The following SH3GL2 variants were observed in gnomAD, a reference collection of about 807,000 sequenced individuals.
The protein encoded by SH3GL2 is SH3 domain containing GRB2 like 2, endophilin A1.
Under a neutral mutation model 46.0 loss-of-function variants are expected in SH3GL2, and 24 were observed. The ratio of observed to expected loss-of-function variants is 0.52; its 90% CI spans 0.38 to 0.73. The LOEUF is 0.73. SH3GL2 is among the 30% of genes least tolerant of loss of function. SH3GL2 has a pLI of 0.00. For synonymous variants in SH3GL2, 196 were observed against 147.1 expected (o/e 1.33, Z -2.40); for missense variants, 413 against 424.2 (o/e 0.97, Z 0.23).
intron 1 of SH3GL2, among the ~76,000 whole-genome samples, chr9:17,675,156 A>G (rs377004586): frequency 6.6e-6 from 1 of 152,180 alleles, no homozygotes; most frequent in South Asian, 2.1e-4. Context: ...TAAACTTCGT[A>G]TGTCTTATTT....
At chr9:17,602,278 C>G (rs1419593896) in intron 1 of SH3GL2, among the ~76,000 whole-genome samples, 1 of 152,114 alleles carries the variant, frequency 6.6e-6, no homozygotes, top group Non-Finnish European at 1.5e-5. Context: ...GGCTGCTGGG[C>G]TGTATTGGAT....
intron 1 of SH3GL2, among the ~76,000 whole-genome samples, chr9:17,581,783 C>T (rs186688976): frequency 1.6e-4 from 25 of 152,324 alleles, no homozygotes; most frequent in Non-Finnish European, 1.0e-4. Flanking sequence ...ACTGCAACCT[C>T]TGCCTCCTGT....
At chr9:17,666,297 A>G (rs373712540) in intron 1 of SH3GL2, among the ~76,000 whole-genome samples, 11 of 151,918 alleles carry the variant, frequency 7.2e-5, no homozygotes, top group South Asian at 4.2e-4. Context: ...TCCTTCACCA[A>G]TGCTTGTTGA....
intron 1 of SH3GL2, among the ~76,000 whole-genome samples, chr9:17,632,804 G>A (rs1819462286): frequency 6.6e-6 from 1 of 152,170 alleles, no homozygotes; most frequent in African/African-American, 2.4e-5. Flanking sequence ...ATGTGTCCCT[G>A]CTATTTGGGG....
intron 1 of SH3GL2, among the ~76,000 whole-genome samples, chr9:17,664,053 A>C (rs1820285996): frequency 6.6e-6 from 1 of 152,176 alleles, no homozygotes; most frequent in Non-Finnish European, 1.5e-5. Flanking sequence ...ATTTTTAAAA[A>C]ATATATATCC....
At chr9:17,736,746 C>T (rs1563832869) in intron 1 of SH3GL2, among the ~76,000 whole-genome samples, 1 of 152,080 alleles carries the variant, frequency 6.6e-6, no homozygotes, top group Non-Finnish European at 1.5e-5. Flanking sequence ...AGCTGAAGTG[C>T]CTACCTTGAA....
chr9:17,622,043 T>G (rs1819153588), intron 1 of SH3GL2, among the ~76,000 whole-genome samples: 1 of 152,232 alleles, frequency 6.6e-6, no homozygotes, highest in Non-Finnish European at 1.5e-5. Flanking sequence ...TTCTTTTGAT[T>G]ATTCCCAAAG....
At chr9:17,644,669 T>C (rs1272526428) in intron 1 of SH3GL2, among the ~76,000 whole-genome samples, 3 of 152,238 alleles carry the variant, frequency 2.0e-5, no homozygotes, top group African/African-American at 7.2e-5. Context: ...CTAATTTGAT[T>C]ACACTGTGGC....
intron 7 of SH3GL2, among the ~76,000 whole-genome samples, chr9:17,792,085 C>G (rs1395413493): frequency 1.3e-5 from 2 of 152,140 alleles, no homozygotes; most frequent in Non-Finnish European, 2.9e-5. Context: ...AAGCTTTTTT[C>G]TTAGGCCACA....
intron 4 of SH3GL2, among the ~76,000 whole-genome samples, chr9:17,786,857 T>A (rs1288416152): frequency 2.6e-5 from 4 of 152,126 alleles, no homozygotes; most frequent in Non-Finnish European, 5.9e-5. Flanking sequence ...ACAGTCAGCA[T>A]GATTCAAAGC....
chr9:17,713,988 C>G (rs1821690213), intron 1 of SH3GL2, among the ~76,000 whole-genome samples: 1 of 151,662 alleles, frequency 6.6e-6, no homozygotes, highest in African/African-American at 2.4e-5. Context: ...AAATCCTCAA[C>G]TTTAATTTAG....
chr9:17,610,317 T>G (rs527546803), intron 1 of SH3GL2, among the ~76,000 whole-genome samples: 1 of 152,334 alleles, frequency 6.6e-6, no homozygotes, highest in South Asian at 2.1e-4. Flanking sequence ...GAGCTGTGTG[T>G]TAGTGTAGGG....
chr9:17,739,443 T>C (rs1023325360), intron 1 of SH3GL2, among the ~76,000 whole-genome samples: 2 of 152,158 alleles, frequency 1.3e-5, no homozygotes, highest in African/African-American at 4.8e-5. Context: ...TTTTATATTT[T>C]CTGTAACTTC....
At chr9:17,769,531 C>G (rs904976511) in intron 3 of SH3GL2, among the ~76,000 whole-genome samples, 7 of 152,026 alleles carry the variant, frequency 4.6e-5, no homozygotes, top group Admixed American at 2.6e-4. Context: ...GCCTCGGGGT[C>G]TTTGCACAGG....
chr9:17,679,651 A>G (rs543933895), intron 1 of SH3GL2, among the ~76,000 whole-genome samples: 43 of 152,254 alleles, frequency 2.8e-4, no homozygotes, highest in African/African-American at 9.4e-4. Context: ...CCTGGCCAGA[A>G]CTTTCAACAC....
intron 1 of SH3GL2, among the ~76,000 whole-genome samples, chr9:17,691,882 G>A (rs1431268903): frequency 6.6e-6 from 1 of 152,040 alleles, no homozygotes; most frequent in Non-Finnish European, 1.5e-5. Flanking sequence ...CACATAAACT[G>A]CCTGATGTTC....
At chr9:17,794,002 T>C (rs1824205670) in intron 8 of SH3GL2, among the ~76,000 whole-genome samples, 1 of 152,236 alleles carries the variant, frequency 6.6e-6, no homozygotes, top group African/African-American at 2.4e-5. Flanking sequence ...TAAATATATT[T>C]GTAGAAGATG....
intron 1 of SH3GL2, among the ~76,000 whole-genome samples, chr9:17,665,007 A>G (rs1820308146): frequency 6.6e-6 from 1 of 152,162 alleles, no homozygotes; most frequent in Non-Finnish European, 1.5e-5. Context: ...TAAAAGTTCC[A>G]CAGGTAGTGT....
At chr9:17,674,710 C>A (rs1820565689) in intron 1 of SH3GL2, among the ~76,000 whole-genome samples, 1 of 152,236 alleles carries the variant, frequency 6.6e-6, no homozygotes, top group East Asian at 1.9e-4. Context: ...GGTAGAAGGT[C>A]TAGAATGACC....
Sources: allele counts gnomAD v4.1 joint callset (sites outside exome capture counted in the v4.1 genomes callset), GRCh38; gene constraint gnomAD v4.1.1; transcripts MANE v1.5; gene names NCBI Gene and HGNC (gene_info 2026-07-23, HGNC 2026-07-21).